Variants in DLGAP2 observed in about 807,000 individuals in gnomAD.
The protein encoded by DLGAP2 is DLG associated protein 2.
A neutral mutation model predicts 100.3 loss-of-function variants in DLGAP2; 26 were observed. That is an observed-to-expected ratio of 0.26 (90% confidence interval 0.19 to 0.36). DLGAP2 has a LOEUF of 0.36. Ranked by LOEUF, DLGAP2 falls within the 10% of genes least tolerant of loss-of-function variation. The pLI is 1.00. For missense variants in DLGAP2, 1,858 were observed against 1,453.2 expected (o/e 1.28, Z -4.53); for synonymous variants, 886 against 630.1 (o/e 1.41, Z -6.08).
intron 6 of DLGAP2, among the ~76,000 whole-genome samples, chr8:1,584,539 T>C (rs1225579112): frequency 1.3e-5 from 2 of 152,100 alleles, no homozygotes; most frequent in Non-Finnish European, 2.9e-5. Context: ...GGAGGGGAGA[T>C]TCTGGTCCAG....
intron 1 of DLGAP2, among the ~76,000 whole-genome samples, chr8:903,663 CACGGCCATGGAGG>C (rs1457291927): frequency 6.6e-6 from 1 of 152,202 alleles, no homozygotes; most frequent in East Asian, 1.9e-4. Context: ...TGGTGAATGG[CACGGCCATGGAGG>C]ACGCCAAGCT....
At chr8:870,146 T>G (rs1479510740) in intron 1 of DLGAP2, among the ~76,000 whole-genome samples, 2 of 152,176 alleles carry the variant, frequency 1.3e-5, no homozygotes, top group African/African-American at 2.4e-5. Context: ...TAATAGTCCA[T>G]TATCTTGATT....
chr8:1,267,259 A>T (rs1473950358), intron 3 of DLGAP2, among the ~76,000 whole-genome samples: 2 of 146,660 alleles, frequency 1.4e-5, no homozygotes, highest in African/African-American at 2.6e-5. Flanking sequence ...AAAATAAAAT[A>T]AAATAAAATA....
intron 3 of DLGAP2, among the ~76,000 whole-genome samples, chr8:1,291,546 C>T (rs768784835): frequency 9.2e-5 from 14 of 152,124 alleles, no homozygotes; most frequent in Admixed American, 2.6e-4. Context: ...GTGGTATATT[C>T]GAAGCCCTGC....
At chr8:962,129 G>C (rs534964186) in intron 2 of DLGAP2, among the ~76,000 whole-genome samples, 3 of 152,280 alleles carry the variant, frequency 2.0e-5, no homozygotes, top group South Asian at 2.1e-4. Flanking sequence ...CATCATACTT[G>C]TGTTTGGATG....
At chr8:1,177,816 C>G (rs953940145) in intron 2 of DLGAP2, among the ~76,000 whole-genome samples, 1 of 152,172 alleles carries the variant, frequency 6.6e-6, no homozygotes, top group African/African-American at 2.4e-5. Context: ...GGGAGCTCTC[C>G]AGGGCCTCTT....
chr8:1,068,381 T>C (rs1803320874), intron 2 of DLGAP2, among the ~76,000 whole-genome samples: 1 of 152,334 alleles, frequency 6.6e-6, no homozygotes, highest in East Asian at 1.9e-4. Context: ...ACCACCAAAA[T>C]GTCTTCCAAC....
chr8:1,293,460 T>C (rs1001822196), intron 3 of DLGAP2, among the ~76,000 whole-genome samples: 3 of 152,204 alleles, frequency 2.0e-5, no homozygotes, highest in African/African-American at 4.8e-5. Flanking sequence ...TGTGCCTCCC[T>C]TTTCTGGGCT....
intron 13 of DLGAP2, among the ~76,000 whole-genome samples, chr8:1,694,730 C>G (rs1186751609): frequency 6.6e-6 from 1 of 152,138 alleles, no homozygotes; most frequent in Non-Finnish European, 1.5e-5. Flanking sequence ...ACCGAAGTTC[C>G]TATCCAATGG....
At chr8:1,354,984 CACGG>C in intron 3 of DLGAP2, among the ~76,000 whole-genome samples, 1 of 142,394 alleles carries the variant, frequency 7.0e-6, no homozygotes, top group African/African-American at 2.6e-5. Context: ...GGTGGAAAGT[CACGG>C]ATGATGCTGC....
intron 2 of DLGAP2, among the ~76,000 whole-genome samples, chr8:998,919 T>C (rs1800863108): frequency 6.6e-6 from 1 of 152,176 alleles, no homozygotes; most frequent in Non-Finnish European, 1.5e-5. Context: ...GCATTGTTCA[T>C]GTGTGAAGCC....
chr8:1,706,849 T>C lies in DLGAP2; in HGVS notation c.*5443T>C, dbSNP rs1264662959. ...CCACCCCTCTAATTCCAGGCGTTTG[T>C]AATTTTTCTACTTCGCACTTGAGAG... On this transcript the variant is annotated 3_prime_UTR_variant, in exon 15 of 15. Transcript: ENST00000637795. 1 of 152,184 alleles carries C rather than the reference T, an allele frequency of 6.6e-6. No homozygotes were observed. Among genetic ancestry groups the C allele is most frequent in the Non-Finnish European group, 1.5e-5 (1 of 68,028 alleles). The allele number at this position is 152,184 out of a possible 1,614,324, so 9.4% of individuals were successfully genotyped here.
At chr8:1,232,532 G>T (rs1019751905) in intron 2 of DLGAP2, among the ~76,000 whole-genome samples, 1 of 152,244 alleles carries the variant, frequency 6.6e-6, no homozygotes, top group African/African-American at 2.4e-5. Flanking sequence ...ACTGTGCTGG[G>T]CTGAGGCTCA....
chr8:1,156,819 A>G (rs1796800950), intron 2 of DLGAP2, among the ~76,000 whole-genome samples: 1 of 152,066 alleles, frequency 6.6e-6, no homozygotes, highest in South Asian at 2.1e-4. Context: ...GGCATTTTTC[A>G]TCCAGCTTCA....
At chr8:1,422,536 GT>G (rs1234425075) in intron 3 of DLGAP2, among the ~76,000 whole-genome samples, 3 of 147,992 alleles carry the variant, frequency 2.0e-5, no homozygotes, top group Non-Finnish European at 4.4e-5. Flanking sequence ...GCAGAAGAGT[GT>G]TTGGAAAAGG....
At chr8:1,494,303 A>C (rs1374153156) in intron 3 of DLGAP2, among the ~76,000 whole-genome samples, 1 of 152,206 alleles carries the variant, frequency 6.6e-6, no homozygotes, top group Non-Finnish European at 1.5e-5. Flanking sequence ...CATTAGCATG[A>C]TTTGGAGACA....
intron 3 of DLGAP2, among the ~76,000 whole-genome samples, chr8:1,468,363 A>G (rs1292086211): frequency 6.6e-6 from 1 of 151,716 alleles, no homozygotes; most frequent in Non-Finnish European, 1.5e-5. Flanking sequence ...CTGAGTCCCC[A>G]GCAGCCTCAG....
At chr8:1,638,713 C>T (rs1005674456) in intron 8 of DLGAP2, among the ~76,000 whole-genome samples, 9 of 152,064 alleles carry the variant, frequency 5.9e-5, no homozygotes, top group Admixed American at 2.6e-4. Context: ...CTGCCCCAGC[C>T]GTGGATGAGG....
At chr8:854,260 T>A (rs2128988288) in intron 1 of DLGAP2, among the ~76,000 whole-genome samples, 1 of 152,020 alleles carries the variant, frequency 6.6e-6, no homozygotes, top group East Asian at 1.9e-4. Context: ...TAGTGGGGCT[T>A]GTGTAGGGGA....
Sources: gnomAD v4.1 joint callset for allele counts (sites outside exome capture counted in the v4.1 genomes callset) on GRCh38, gnomAD v4.1.1 for gene constraint, MANE v1.5 for transcripts, NCBI Gene and HGNC (gene_info 2026-07-23, HGNC 2026-07-21) for gene names.